The following EEF2K variants were observed in gnomAD, a reference collection of about 807,000 sequenced individuals.
EEF2K encodes eukaryotic elongation factor 2 kinase.
A neutral mutation model predicts 93.8 loss-of-function variants in EEF2K; 70 were observed. That is an observed-to-expected ratio of 0.75 (90% confidence interval 0.62 to 0.91). The LOEUF (loss-of-function observed/expected upper bound fraction) is 0.91. Ranked by LOEUF, EEF2K falls within the 40% of genes least tolerant of loss-of-function variation. The pLI is 0.00. For missense variants in EEF2K, 935 were observed against 972.9 expected (o/e 0.96, Z 0.52); for synonymous variants, 376 against 380.8 (o/e 0.99, Z 0.15).
rs375854784 is a variant in EEF2K at position 22,264,888 on chromosome 16, G to T, written c.1440+8G>T. On this transcript the variant is annotated splice_region_variant and intron_variant, in intron 13 of 17. Coordinates refer to ENST00000263026, the MANE Select transcript of EEF2K (RefSeq NM_013302.5). ...CTGGGCAGCTCTGGACGGGTAATGC[G>T]CCCTGAGGCACCCTTGTCTCTGCCT... 1 of 1,613,868 alleles carries T rather than the reference G, an allele frequency of 6.2e-7. No homozygotes were observed. The highest frequency in any genetic ancestry group is 2.2e-5 in the East Asian group (1 of 44,858).
rs1335625204 is a variant in EEF2K at position 22,251,169 on chromosome 16, C to T, written c.465C>T (p.Phe155=). 7.4e-6 allele frequency: 12 copies of T among 1,613,836 alleles called. No homozygotes were observed. Among genetic ancestry groups the T allele is most frequent in the Admixed American group, 1.7e-5 (1 of 59,960 alleles). The change falls in exon 6 of 18, where the codon TTC becomes TTT. Residue 155 remains phenylalanine (F), a synonymous_variant. Transcript: ENST00000263026. ...CCCACAGGAAGAAGCTCTCCAACTT[C>T]TTGCATGCCCAGCAGTGGAAGGGCG... ...ECFRTKKLSN[F]LHAQQWKGAS...
At chr16:22,266,340 C>G in intron 13 of EEF2K, 50 bp from the exon 14 acceptor site, 2 of 1,571,754 alleles carry the variant, frequency 1.3e-6, no homozygotes, top group Non-Finnish European at 1.7e-6. Context: ...AGCTGTGATG[C>G]TGCGTCCACC....
At position 22,225,843 on chromosome 16, in the gene EEF2K, C is replaced by A. The variant is rs778974609; in HGVS notation, c.114C>A (p.Phe38Leu). 3.7e-6 allele frequency: 6 copies of A among 1,614,114 alleles called. No homozygotes were observed. Among genetic ancestry groups the A allele is most frequent in the Non-Finnish European group, 5.1e-6 (6 of 1,180,052 alleles). The change falls in exon 2 of 18, where the codon TTC becomes TTA. Residue 38 changes from phenylalanine (F) to leucine (L), a missense_variant. Physicochemically the swap from Phe to Leu is conservative, Grantham distance 22. Coordinates refer to ENST00000263026, the MANE Select transcript of EEF2K (RefSeq NM_013302.5). ...ACAGCGACGATGAGGAAGGTTACTT[C>A]ATCTGCCCCATCACGGATGACCCAA... ...DGDSDDEEGYFICPITDDPSS... is the reference protein window; with the variant it reads ...DGDSDDEEGYLICPITDDPSS...
chr16:22,246,693 C>G (rs2047295395), intron 3 of EEF2K, among the ~76,000 whole-genome samples: 1 of 151,900 alleles, frequency 6.6e-6, no homozygotes, highest in African/African-American at 2.4e-5. Flanking sequence ...CCTCTCTGAT[C>G]ATCTCCTGCC....
chr16:22,226,100 C>A, intron 2 of EEF2K, 125 bp downstream of exon 2: 2 of 1,363,204 alleles, frequency 1.5e-6, no homozygotes, highest in Admixed American at 2.4e-5. Flanking sequence ...AAACTCTGAG[C>A]TGAGGATATA....
chr16:22,237,974 T>C (rs1598176626), intron 2 of EEF2K, among the ~76,000 whole-genome samples: 1 of 152,020 alleles, frequency 6.6e-6, no homozygotes, highest in African/African-American at 2.4e-5. Context: ...CTTGCTTTTT[T>C]CCCCCCTAAA....
rs71151665 is a variant in EEF2K at position 22,236,934 on chromosome 16, C to CTTTTTT, written c.247-7673_247-7668dup. ...TTTTTTATGAAATATCCACAGACCTCTTTTTTTTTTTTTTTTTTTTTTTTT... is the reference window on the plus strand; with the variant it reads ...TTTTTTATGAAATATCCACAGACCTCTTTTTTTTTTTTTTTTTTTTTTTTTTTTTTT... On this transcript the variant is annotated intron_variant, in intron 2 of 17. Coordinates refer to ENST00000263026, the MANE Select transcript of EEF2K (RefSeq NM_013302.5). Among the ~76,000 whole-genome samples, 26 of 56,230 alleles carry CTTTTTT rather than the reference C, an allele frequency of 4.6e-4. 6 individuals carry two copies. Among genetic ancestry groups the CTTTTTT allele is most frequent in the African/African-American group, 1.2e-3 (19 of 15,814 alleles). The allele number at this position is 56,230 out of a possible 152,430, so 36.9% of individuals were successfully genotyped here.
chr16:22,214,119 T>C (rs1400128609), intron 1 of EEF2K, among the ~76,000 whole-genome samples: 1 of 152,122 alleles, frequency 6.6e-6, no homozygotes, highest in African/African-American at 2.4e-5. Flanking sequence ...TATTGGGACA[T>C]AACAGCAGCT....
chr16:22,211,147 G>GC (rs1012266989), intron 1 of EEF2K, among the ~76,000 whole-genome samples: 26 of 152,284 alleles, frequency 1.7e-4, no homozygotes, highest in African/African-American at 6.0e-4. Context: ...TGGTTTTCAG[G>GC]CCCCCTCTCT....
Position 22,280,303 on chromosome 16 carries a change from C to T in EEF2K, c.1995C>T (p.Tyr665=). 1.2e-6 allele frequency: 2 copies of T among 1,609,106 alleles called. No individual in the cohort carries two copies. Among genetic ancestry groups the T allele is most frequent in the Non-Finnish European group, 1.7e-6 (2 of 1,177,814 alleles). Residue 665 remains tyrosine (Y), a synonymous_variant, in exon 17 of 18, where the codon TAC becomes TAT. Transcript: ENST00000263026. ...ACGGAATGCAGGACGAGCCCCGGTA[C>T]ATGATGCTGGCCAGGGAGGCCGAGA... is the stretch of plus-strand genomic sequence containing the variant. The part of the protein sequence containing the change: ...EYDGMQDEPR[Y]MMLAREAEML...
intron 3 of EEF2K, among the ~76,000 whole-genome samples, chr16:22,247,037 CAAAAAAAAAAAAAAA>C (rs57073413): frequency 8.0e-4 from 11 of 13,700 alleles, no homozygotes; most frequent in South Asian, 8.3e-3. Context: ...GACTCCATCT[CAAAAAAAAAAAAAAA>C]AAAAAAAAAA....
At chr16:22,243,922 CAAAAA>C (rs1011054825) in intron 2 of EEF2K, among the ~76,000 whole-genome samples, 3 of 61,992 alleles carry the variant, frequency 4.8e-5, no homozygotes, top group East Asian at 9.4e-4. Context: ...GACCCTGTCT[CAAAAA>C]AAAAAAAAAA....
intron 4 of EEF2K, 58 bp from the exon 5 acceptor site, chr16:22,250,596 T>C (rs1425373825): frequency 3.1e-6 from 5 of 1,611,464 alleles, no homozygotes; most frequent in Non-Finnish European, 4.2e-6. Flanking sequence ...CCTCCTGTCT[T>C]AGGGTCCCTT....
At chr16:22,248,699 T>G in intron 3 of EEF2K, 56 bp from the exon 4 acceptor site, 43 of 1,602,000 alleles carry the variant, frequency 2.7e-5, no homozygotes, top group Middle Eastern at 1.7e-4. Flanking sequence ...CTTTAGCCAG[T>G]GAGAAACAGG....
intron 2 of EEF2K, among the ~76,000 whole-genome samples, chr16:22,229,757 G>T (rs1444358721): frequency 6.6e-6 from 1 of 151,968 alleles, no homozygotes; most frequent in Non-Finnish European, 1.5e-5. Context: ...TAACTGGTGG[G>T]GGTAAAAAAT....
chr16:22,270,599 G>A (rs2047569156), intron 15 of EEF2K, among the ~76,000 whole-genome samples: 1 of 152,072 alleles, frequency 6.6e-6, no homozygotes, highest in African/African-American at 2.4e-5. Context: ...TTATATGTGT[G>A]GGGCATACCT....
intron 2 of EEF2K, among the ~76,000 whole-genome samples, chr16:22,242,364 C>T (rs1321230587): frequency 3.3e-5 from 5 of 151,992 alleles, no homozygotes; most frequent in African/African-American, 9.7e-5. Flanking sequence ...CTCTGTCACC[C>T]AGGCTGGAGT....
chr16:22,281,898 T>A (rs1336745895), intron 17 of EEF2K, among the ~76,000 whole-genome samples: 1 of 152,182 alleles, frequency 6.6e-6, no homozygotes, highest in Non-Finnish European at 1.5e-5. Flanking sequence ...ATATATATAT[T>A]TTTTCTGTTA....
chr16:22,231,688 C>G (rs998984444), intron 2 of EEF2K, among the ~76,000 whole-genome samples: 1 of 151,884 alleles, frequency 6.6e-6, no homozygotes, highest in African/African-American at 2.4e-5. Flanking sequence ...TAAATACCCC[C>G]TCCTCAAAAC....
Sources: allele counts gnomAD v4.1 joint callset (sites outside exome capture counted in the v4.1 genomes callset), GRCh38; gene constraint gnomAD v4.1.1; transcripts MANE v1.5; gene names NCBI Gene and HGNC (gene_info 2026-07-23, HGNC 2026-07-21).